Variants in TMTC4 observed in about 807,000 individuals in gnomAD.
TMTC4 encodes transmembrane O-mannosyltransferase targeting cadherins 4.
TMTC4 carries 65 observed loss-of-function variants against 86.0 expected under a neutral mutation model. The ratio of observed to expected loss-of-function variants is 0.76; its 90% CI spans 0.62 to 0.93. TMTC4 has a LOEUF of 0.93. Ranked by LOEUF, TMTC4 falls within the 40% of genes least tolerant of loss-of-function variation. The pLI is 0.00. For synonymous variants in TMTC4, 379 were observed against 382.5 expected (o/e 0.99, Z 0.11); for missense variants, 866 against 948.1 (o/e 0.91, Z 1.14).
intron 6 of TMTC4, among the ~76,000 whole-genome samples, chr13:100,644,486 G>A (rs549578056): frequency 1.3e-5 from 2 of 152,096 alleles, no homozygotes; most frequent in African/African-American, 2.4e-5. Flanking sequence ...CTGGGCCCCT[G>A]GCTCTCAATG....
chr13:100,670,298 T>C (rs1886925472), intron 2 of TMTC4, 62 bp downstream of exon 2: 15 of 1,570,852 alleles, frequency 9.5e-6, no homozygotes, highest in Non-Finnish European at 1.2e-5. Flanking sequence ...GTCACAGGCA[T>C]CTTTCTATAG....
At chr13:100,632,049 ACACACTCTCTCTCT>A (rs56259124) in intron 12 of TMTC4, among the ~76,000 whole-genome samples, 20,813 of 73,482 alleles carry the variant, frequency 0.28, 1,020 homozygotes, top group East Asian at 0.38. Flanking sequence ...ACACACACAC[ACACACTCTCTCTCT>A]CTCTCTCTCT....
chr13:100,634,078 G>A (rs1343494031), intron 12 of TMTC4, among the ~76,000 whole-genome samples: 1 of 151,496 alleles, frequency 6.6e-6, no homozygotes, highest in Admixed American at 6.6e-5. Context: ...GGTGGAGGCT[G>A]CAGTGAGCCG....
chr13:100,605,203 C>A lies in TMTC4; in HGVS notation c.2135-61G>T. On this transcript the variant is annotated intron_variant, in intron 18 of 18. Coordinates refer to ENST00000342624, the MANE Select transcript of TMTC4 (RefSeq NM_032813.5). The surrounding 1 kb of genome is among the most constrained non-coding windows in gnomAD (Gnocchi z 4.3). ...TTCTGAGTAACGTGCCGTATTCCTACCCTCTTGGACAAAGAAATATTACAG... is the reference window on the plus strand; with the variant it reads ...TTCTGAGTAACGTGCCGTATTCCTAACCTCTTGGACAAAGAAATATTACAG... 6.5e-7 allele frequency: 1 copy of A among 1,528,758 alleles called. No homozygotes were observed. The highest frequency in any genetic ancestry group is 1.3e-5 in the South Asian group (1 of 79,416). The allele number at this position is 1,528,758 out of a possible 1,614,324, so 94.7% of individuals were successfully genotyped here.
At chr13:100,624,760 G>A (rs1460429149) in intron 15 of TMTC4, 3 of 152,180 alleles carry the variant, frequency 2.0e-5, no homozygotes. Context: ...TTCCAGTTTG[G>A]TTAGAATGAA....
chr13:100,609,050 T>C (rs562959095), intron 17 of TMTC4, among the ~76,000 whole-genome samples: 2 of 152,046 alleles, frequency 1.3e-5, no homozygotes, highest in African/African-American at 2.4e-5. Context: ...ATAGGAAGGG[T>C]AACATGGGAG....
intron 17 of TMTC4, among the ~76,000 whole-genome samples, chr13:100,607,516 CAAA>C (rs35106656): frequency 1.6e-5 from 2 of 125,926 alleles, no homozygotes; most frequent in Non-Finnish European, 3.4e-5. Context: ...GACTCTGTCT[CAAA>C]AAAAAAAAAA....
intron 6 of TMTC4, among the ~76,000 whole-genome samples, chr13:100,648,477 C>T (rs1303478740): frequency 6.6e-6 from 1 of 152,116 alleles, no homozygotes; most frequent in Non-Finnish European, 1.5e-5. Flanking sequence ...TTTTCAATGC[C>T]ACATATGGCT....
rs912042854 is a variant in TMTC4, at chr13:100,605,786, G to C, written c.2134+572C>G. Among the ~76,000 whole-genome samples, 1 of 152,154 alleles carries C rather than the reference G, an allele frequency of 6.6e-6. No individual in the cohort carries two copies. Among genetic ancestry groups the C allele is most frequent in the Non-Finnish European group, 1.5e-5 (1 of 68,020 alleles). ...GAAGCTTCAGAGTTGGTAGAGAACA[G>C]CTTTGGTGAAAAAACATTTCTGTGA... On this transcript the variant is annotated intron_variant, in intron 18 of 18. Transcript: ENST00000342624. This position sits in a 1 kb window ranked among gnomAD's most constrained non-coding sequence, Gnocchi z 4.3.
chr13:100,629,255 C>T (rs1215568238), intron 12 of TMTC4, among the ~76,000 whole-genome samples: 2 of 152,194 alleles, frequency 1.3e-5, no homozygotes, highest in African/African-American at 4.8e-5. Flanking sequence ...CCAGAGGAGA[C>T]GATGCTACAG....
At chr13:100,635,295 C>T in intron 10 of TMTC4, 100 bp from the exon 11 acceptor site, 1 of 1,258,596 alleles carries the variant, frequency 7.9e-7, no homozygotes, top group Non-Finnish European at 1.1e-6. Context: ...TTTTCTTTTC[C>T]ATGGCATCAA....
intron 12 of TMTC4, 21 bp downstream of exon 12, chr13:100,634,784 A>G (rs1207351050): frequency 6.2e-7 from 1 of 1,608,726 alleles, no homozygotes; most frequent in South Asian, 1.1e-5. Flanking sequence ...TCCCTTTAAA[A>G]GAAATCTGGC....
At chr13:100,661,338 T>C (rs1885753653) in intron 5 of TMTC4, among the ~76,000 whole-genome samples, 1 of 152,234 alleles carries the variant, frequency 6.6e-6, no homozygotes, top group Non-Finnish European at 1.5e-5. Context: ...GTTATACCTG[T>C]TGGCACTTGA....
chr13:100,638,151 G>A, intron 7 of TMTC4, 129 bp from the exon 8 acceptor site: 1 of 638,354 alleles, frequency 1.6e-6, no homozygotes, highest in South Asian at 2.3e-5. Context: ...GAAGACCTCT[G>A]CAGCTCTTTA....
At position 100,664,308 on chromosome 13, in the gene TMTC4, TC is replaced by T. The variant is rs781235965; in HGVS notation, c.247del (p.Asp83ThrfsTer12). 8 of 1,610,424 alleles carry T rather than the reference TC, an allele frequency of 5.0e-6. No individual in the cohort carries two copies. The African/African-American group carries it at 1.1e-4, about 22-fold the overall frequency. ...KDLQAETPLG[D>X]LWHHDFWGSR... is the part of the protein sequence containing the mutation. ...GCCCCAGAAGTCATGATGCCACAGGTCCCCCAGGGGCGTTTCTGCTTGGAGG... is the reference window on the plus strand; with the variant it reads ...GCCCCAGAAGTCATGATGCCACAGGTCCCCAGGGGCGTTTCTGCTTGGAGG... On this transcript the variant is annotated frameshift_variant, in exon 4 of 19. Coordinates refer to ENST00000342624, the MANE Select transcript of TMTC4 (RefSeq NM_032813.5). LOFTEE classifies it high-confidence loss of function.
At chr13:100,614,068 A>C (rs1180598208) in intron 16 of TMTC4, among the ~76,000 whole-genome samples, 2 of 151,016 alleles carry the variant, frequency 1.3e-5, no homozygotes, top group East Asian at 3.9e-4. Flanking sequence ...CGAACTCCTG[A>C]CCTCAGGTGA....
At chr13:100,641,471 TC>T (rs1380841191) in intron 7 of TMTC4, among the ~76,000 whole-genome samples, 2 of 151,938 alleles carry the variant, frequency 1.3e-5, no homozygotes, top group Non-Finnish European at 2.9e-5. Flanking sequence ...TGTTCCTTCA[TC>T]TTTTCCTTCT....
intron 17 of TMTC4, 126 bp downstream of exon 17, chr13:100,612,272 C>T (rs1405057751): frequency 8.4e-6 from 6 of 716,774 alleles, no homozygotes; most frequent in Non-Finnish European, 1.4e-5. Context: ...ACTGGCCAAG[C>T]CACATTGGTG....
chr13:100,633,312 GAAAAAAAAAAAAAAAA>G (rs10523073), intron 12 of TMTC4, among the ~76,000 whole-genome samples: 5 of 79,572 alleles, frequency 6.3e-5, no homozygotes, highest in Non-Finnish European at 1.2e-4. Context: ...CCATCTCAGG[GAAAAAAAAAAAAAAAA>G]AAAAAAAAAA....
Sources: gnomAD v4.1 joint callset for allele counts (sites outside exome capture counted in the v4.1 genomes callset) on GRCh38, gnomAD v4.1.1 for gene constraint, Gnocchi (gnomAD v3.1) non-coding constraint, MANE v1.5 for transcripts, NCBI Gene and HGNC (gene_info 2026-07-23, HGNC 2026-07-21) for gene names.